PCDHGB3: variants seen among roughly 807,000 people sequenced by gnomAD.
PCDHGB3 encodes protocadherin gamma-B3.
In PCDHGB3, 40 loss-of-function variants were observed where a neutral mutation model predicts 59.2. The ratio of observed to expected loss-of-function variants is 0.68; its 90% CI spans 0.52 to 0.88. The LOEUF (loss-of-function observed/expected upper bound fraction) is 0.88. Ranked by LOEUF, PCDHGB3 falls within the 40% of genes least tolerant of loss-of-function variation. The pLI, the probability that PCDHGB3 is intolerant of heterozygous loss-of-function variation, is 0.00. For synonymous variants in PCDHGB3, 581 were observed against 503.6 expected, an observed-to-expected ratio of 1.15 and a Z score of -2.06; for missense variants, 1,309 against 1,187.9, an observed-to-expected ratio of 1.10 and a Z score of -1.50.
intron 1 of PCDHGB3, chr5:141,415,652 A>AG: frequency 6.3e-7 from 1 of 1,590,778 alleles, no homozygotes; most frequent in African/African-American, 1.4e-5. Flanking sequence ...AAAAAAAAAA[A>AG]GATTGGTTTT....
chr5:141,423,544 C>G, intron 1 of PCDHGB3: 1 of 1,613,744 alleles, frequency 6.2e-7, no homozygotes, highest in African/African-American at 1.3e-5. Flanking sequence ...GATTTTCCCC[C>G]AGCCCAACTA....
At chr5:141,456,788 C>A (rs2098888156) in intron 1 of PCDHGB3, among the ~76,000 whole-genome samples, 1 of 152,088 alleles carries the variant, frequency 6.6e-6, no homozygotes, top group Admixed American at 6.5e-5. Flanking sequence ...CATGGCAAAA[C>A]CCCATCTCTA....
At chr5:141,496,178 C>T (rs1481326898) in intron 2 of PCDHGB3, among the ~76,000 whole-genome samples, 2 of 152,080 alleles carry the variant, frequency 1.3e-5, no homozygotes, top group Admixed American at 1.3e-4. Flanking sequence ...CCCATCCAAG[C>T]AGCCCCAGCT....
In PCDHGB3 at chr5:141,431,501, C is replaced by G; in HGVS notation, c.2415+58692C>G. On this transcript the variant is annotated intron_variant, in intron 1 of 3. Coordinates refer to ENST00000576222, the MANE Select transcript of PCDHGB3 (RefSeq NM_018924.5). This position sits in a 1 kb window ranked among gnomAD's most constrained non-coding sequence, Gnocchi z 4.8. ...ACCAGCGTTTGCTCAGCCCGAGTAC[C>G]GCGCGAGCGTTCCGGAGAATCTGGC... is the stretch of plus-strand genomic sequence containing the variant. 1 of 1,614,010 alleles carries G rather than the reference C, an allele frequency of 6.2e-7. No homozygotes were observed. The highest frequency in any genetic ancestry group is 8.5e-7 in the Non-Finnish European group (1 of 1,180,034).
chr5:141,389,845 C>T, intron 1 of PCDHGB3: 1 of 1,614,054 alleles, frequency 6.2e-7, no homozygotes. Context: ...CCACTCTCGG[C>T]CACTGCCACG....
At chr5:141,408,455 C>A in intron 1 of PCDHGB3, 1 of 1,614,050 alleles carries the variant, frequency 6.2e-7, no homozygotes, top group South Asian at 1.1e-5. Flanking sequence ...CGGGGACTTA[C>A]TTGTGAAGAA....
chr5:141,406,294 G>C (rs1399208737), intron 1 of PCDHGB3, among the ~76,000 whole-genome samples: 1 of 151,910 alleles, frequency 6.6e-6, no homozygotes, highest in East Asian at 1.9e-4. Flanking sequence ...CACTGGGTGA[G>C]GTGTGAACCA....
intron 1 of PCDHGB3, among the ~76,000 whole-genome samples, chr5:141,446,747 G>T (rs997132200): frequency 3.9e-5 from 6 of 152,190 alleles, no homozygotes; most frequent in Non-Finnish European, 8.8e-5. Context: ...GATTACAGGC[G>T]TGAGCCACCG....
intron 1 of PCDHGB3, chr5:141,403,199 A>AC (rs1480420470): frequency 6.2e-7 from 1 of 1,613,812 alleles, no homozygotes; most frequent in African/African-American, 1.3e-5. Flanking sequence ...GCGCAGCGGC[A>AC]CCTTGGTCAC....
Position 141,477,849 on chromosome 5 carries a change from A to G in PCDHGB3, c.2416-16958A>G. ...CCTCGGCCAGGTGGGAGCTCGGTGGAGATGCTGCCTCGAGGTACCTCAGCT... is the reference window on the plus strand; with the variant it reads ...CCTCGGCCAGGTGGGAGCTCGGTGGGGATGCTGCCTCGAGGTACCTCAGCT... On this transcript the variant is annotated intron_variant, in intron 1 of 3. Transcript: ENST00000576222. This position sits in a 1 kb window ranked among gnomAD's most constrained non-coding sequence, Gnocchi z 4.9. The G allele has an allele frequency of 6.8e-6, 11 of 1,612,812 alleles. No individual in the cohort carries two copies. Among genetic ancestry groups the G allele is most frequent in the Non-Finnish European group, 8.5e-6 (10 of 1,179,548 alleles).
chr5:141,388,289 A>T (rs1463991755), intron 1 of PCDHGB3: 14 of 1,613,522 alleles, frequency 8.7e-6, no homozygotes, highest in Non-Finnish European at 1.2e-5. Flanking sequence ...AATTCACGCA[A>T]AATTCCTTTG....
chr5:141,433,352 T>C (rs976015031), intron 1 of PCDHGB3: 16 of 614,162 alleles, frequency 2.6e-5, no homozygotes, highest in Non-Finnish European at 3.7e-5. Flanking sequence ...AGCCACCTAC[T>C]GTCTGCCTAT....
intron 1 of PCDHGB3, chr5:141,374,747 C>A (rs764039295): frequency 1.9e-6 from 3 of 1,612,140 alleles, no homozygotes; most frequent in Non-Finnish European, 2.5e-6. Context: ...CGACCCTGTC[C>A]GCTCAAGCGT....
chr5:141,384,827 T>A lies in PCDHGB3; in HGVS notation c.2415+12018T>A, dbSNP rs182404532. ...AGAGATGCCCTCAAGCAGAGCCTCG[T>A]GGTGGCCGTCCAGGACCACGGTCAG... On this transcript the variant is annotated intron_variant, in intron 1 of 3. Transcript: ENST00000576222. The A allele has an allele frequency of 2.2e-4, 348 of 1,613,356 alleles. No individual in the cohort carries two copies. The highest frequency in any genetic ancestry group is 2.5e-4 in the Non-Finnish European group (296 of 1,179,908).
intron 1 of PCDHGB3, chr5:141,423,760 G>A: frequency 1.1e-5 from 3 of 279,660 alleles, no homozygotes; most frequent in Non-Finnish European, 1.1e-5. Flanking sequence ...TGGGGGGGGG[G>A]TGGGGCGGCA....
chr5:141,403,719 C>T (rs758160960), intron 1 of PCDHGB3: 2 of 1,613,864 alleles, frequency 1.2e-6, no homozygotes, highest in Non-Finnish European at 1.7e-6. Context: ...GAGAACGTGC[C>T]CCCAGGCACC....
intron 1 of PCDHGB3, among the ~76,000 whole-genome samples, chr5:141,468,273 C>T (rs894110332): frequency 1.4e-5 from 2 of 144,550 alleles, no homozygotes; most frequent in Non-Finnish European, 3.0e-5. Flanking sequence ...TGTGGTGAGC[C>T]GAGACCACGC....
intron 1 of PCDHGB3, among the ~76,000 whole-genome samples, chr5:141,449,520 C>T (rs1384869748): frequency 1.4e-5 from 2 of 144,104 alleles, no homozygotes; most frequent in Non-Finnish European, 1.5e-5. Context: ...ACCTGGGAGG[C>T]GGAGGTTGCA....
Position 141,432,726 on chromosome 5 carries a change from C to T in PCDHGB3, c.2415+59917C>T, listed in dbSNP as rs777248611. The T allele has an allele frequency of 3.1e-6, 5 of 1,614,092 alleles. No homozygotes were observed. Among genetic ancestry groups the T allele is most frequent in the Non-Finnish European group, 3.4e-6 (4 of 1,179,998 alleles). On this transcript the variant is annotated intron_variant, in intron 1 of 3. Coordinates refer to ENST00000576222, the MANE Select transcript of PCDHGB3 (RefSeq NM_018924.5). This position sits in a 1 kb window ranked among gnomAD's most constrained non-coding sequence, Gnocchi z 6.0. ...GACCACGGCCAGCCCCCTCTCTCCG[C>T]CACTGTCACGCTCACCGTGGCCGTG...
Sources: gnomAD v4.1 joint callset for allele counts (sites outside exome capture counted in the v4.1 genomes callset) on GRCh38, gnomAD v4.1.1 for gene constraint, Gnocchi (gnomAD v3.1) non-coding constraint, MANE v1.5 for transcripts, NCBI Gene and HGNC (gene_info 2026-07-23, HGNC 2026-07-21) for gene names.